FXN: variants seen among roughly 807,000 people sequenced by gnomAD.
FXN encodes frataxin, mitochondrial.
In FXN, 14 loss-of-function variants were observed where a neutral mutation model predicts 22.4. The observed-to-expected ratio is 0.62, with a 90% CI of 0.41 to 0.98. The LOEUF (loss-of-function observed/expected upper bound fraction) is 0.98, where lower values mean the gene tolerates loss of function less well. Ranked by LOEUF, FXN falls within the 50% of genes least tolerant of loss-of-function variation. The pLI is 0.00. For missense variants in FXN, 267 were observed against 268.4 expected (o/e 0.99, Z 0.04); for synonymous variants, 120 against 114.1 (o/e 1.05, Z -0.33).
rs113833390 is a variant in FXN at position 69,073,834 on chromosome 9, A to G, written c.*1072A>G. ...AAGAACAGTTTTTAAGCTATATAGG[A>G]AACATTGTTATTGGTGTTGCCCTAT... On this transcript the variant is annotated 3_prime_UTR_variant, in exon 5 of 5. Coordinates refer to ENST00000484259, the MANE Select transcript of FXN (RefSeq NM_000144.5). 6.0e-4 allele frequency: 591 copies of G among 985,342 alleles called. 3 individuals are homozygous for G. In the African/African-American group the frequency reaches 9.3e-3, roughly 15 times the overall value. 61.0% of individuals were successfully genotyped at this position (985,342 alleles called of 1,614,324 possible). A position where few individuals can be genotyped will look rare whatever the true frequency, so the allele number is the denominator to read the frequency against.
In FXN at chr9:69,076,341, G is replaced by A. The variant is rs1832369776; in HGVS notation, c.*3579G>A. 2.0e-6 allele frequency: 2 copies of A among 985,188 alleles called. No individual in the cohort carries two copies. Among genetic ancestry groups the A allele is most frequent in the East Asian group, 1.1e-4 (1 of 8,802 alleles). 61.0% of individuals were successfully genotyped at this position (985,188 alleles called of 1,614,324 possible). On this transcript the variant is annotated 3_prime_UTR_variant, in exon 5 of 5. Transcript: ENST00000484259. The stretch of plus-strand genomic sequence containing the variant: ...GACAACTGTTGTTCTCACATGCATA[G>A]CATAATTTCATATTCACATTGGAGG...
At chr9:69,036,588 G>A (rs949403388) in intron 1 of FXN, among the ~76,000 whole-genome samples, 8 of 152,208 alleles carry the variant, frequency 5.3e-5, no homozygotes, top group African/African-American at 1.9e-4. Flanking sequence ...TGACCTTGGG[G>A]GATTCCCCTA....
At chr9:69,059,404 T>TTTTC (rs1408743583) in intron 3 of FXN, among the ~76,000 whole-genome samples, 1 of 130,922 alleles carries the variant, frequency 7.6e-6, no homozygotes, top group Non-Finnish European at 1.6e-5. Flanking sequence ...TTTTTTTTTT[T>TTTTC]TTTTTTTTTT....
rs545289105 is a variant in FXN, at chr9:69,067,547, A to G, written c.482+2512A>G. 7.9e-5 allele frequency among the ~76,000 whole-genome samples: 12 copies of G among 152,336 alleles called. No homozygotes were observed. In the South Asian group the frequency reaches 2.3e-3, roughly 29 times the overall value. ...GCCTGCACCCGCCCAACTTGGCTAA[A>G]GAAGTCCCCATACTCTCTGTGGAAA... is the stretch of plus-strand genomic sequence containing the variant. On this transcript the variant is annotated intron_variant, in intron 4 of 4. Transcript: ENST00000484259.
At position 69,077,221 on chromosome 9, in the gene FXN, T is replaced by G. The variant is rs11145063; in HGVS notation, c.*4459T>G. 0.42 allele frequency: 411,096 copies of G among 983,454 alleles called. 87,115 individuals carry two copies. Among genetic ancestry groups the G allele is most frequent in the East Asian group, 0.57 (4,971 of 8,786 alleles). The allele number at this position is 983,454 out of a possible 1,614,324, so 60.9% of individuals were successfully genotyped here. On this transcript the variant is annotated 3_prime_UTR_variant, in exon 5 of 5. Coordinates refer to ENST00000484259, the MANE Select transcript of FXN (RefSeq NM_000144.5). The stretch of plus-strand genomic sequence containing the variant: ...GCCACTGCACCCAGCCAGAAATGCC[T>G]TCTAATCTTTGGTTTATCTTAATTA...
At position 69,072,858 on chromosome 9, in the gene FXN, A is replaced by AT. The variant is rs1040904352; in HGVS notation, c.*104dup. 3.3e-4 allele frequency: 507 copies of AT among 1,559,424 alleles called. 1 individual carries two copies. Among genetic ancestry groups the AT allele is most frequent in the Non-Finnish European group, 4.0e-4 (468 of 1,156,116 alleles). On this transcript the variant is annotated 3_prime_UTR_variant, in exon 5 of 5. Coordinates refer to ENST00000484259, the MANE Select transcript of FXN (RefSeq NM_000144.5). ...CTGTTTTTTGTTGTTGTTGTTGTTT[A>AT]TTTTTTTTATTCCTGCTTTTGAGGA...
At chr9:69,045,822 G>C (rs750851970) in intron 1 of FXN, among the ~76,000 whole-genome samples, 2 of 151,706 alleles carry the variant, frequency 1.3e-5, no homozygotes, top group Non-Finnish European at 2.9e-5. Context: ...TATAAGGTAA[G>C]GGGGGAAGTG....
In FXN at chr9:69,075,172, A is replaced by G; in HGVS notation, c.*2410A>G. On this transcript the variant is annotated 3_prime_UTR_variant, in exon 5 of 5. Coordinates refer to ENST00000484259, the MANE Select transcript of FXN (RefSeq NM_000144.5). ...GGGAGATCCCCATTTAAGGAAAGAA[A>G]AGGGGCCTGGCACAGTGGCTCATGC... 1.0e-6 allele frequency: 1 copy of G among 985,510 alleles called. No homozygotes were observed. The highest frequency in any genetic ancestry group is 1.2e-6 in the Non-Finnish European group (1 of 829,990). 61.0% of individuals were successfully genotyped at this position (985,510 alleles called of 1,614,324 possible).
chr9:69,045,442 A>G (rs994307989), intron 1 of FXN, among the ~76,000 whole-genome samples: 6 of 152,164 alleles, frequency 3.9e-5, no homozygotes, highest in Admixed American at 6.5e-5. Flanking sequence ...CTAAAAATAC[A>G]AAAAATCGGG....
At chr9:69,061,017 G>A (rs146406091) in intron 3 of FXN, among the ~76,000 whole-genome samples, 14 of 152,282 alleles carry the variant, frequency 9.2e-5, no homozygotes, top group African/African-American at 3.1e-4. Context: ...AGGTGAGTGG[G>A]TCTCATGTGG....
At position 69,078,791 on chromosome 9, in the gene FXN, C is replaced by T; in HGVS notation, c.*6029C>T. ...TCTACCCTGAAAAATGTTCTTGGCA[C>T]AGCCTTGCAAACTCCTCCTCCACTC... On this transcript the variant is annotated 3_prime_UTR_variant, in exon 5 of 5. Coordinates refer to ENST00000484259, the MANE Select transcript of FXN (RefSeq NM_000144.5). The T allele has an allele frequency of 2.0e-6, 2 of 985,648 alleles. No homozygotes were observed. Among genetic ancestry groups the T allele is most frequent in the Non-Finnish European group, 1.2e-6 (1 of 830,066 alleles). The allele number at this position is 985,648 out of a possible 1,614,324, so 61.1% of individuals were successfully genotyped here. A position where few individuals can be genotyped will look rare whatever the true frequency, so the allele number is the denominator to read the frequency against.
At chr9:69,041,752 C>G (rs748954797) in intron 1 of FXN, among the ~76,000 whole-genome samples, 1 of 152,200 alleles carries the variant, frequency 6.6e-6, no homozygotes, top group Non-Finnish European at 1.5e-5. Context: ...CAAGTGGTTC[C>G]TGACCACTGG....
chr9:69,077,834 G>A lies in FXN; in HGVS notation c.*5072G>A. 1.5e-6 allele frequency: 1 copy of A among 654,846 alleles called. No homozygotes were observed. Among genetic ancestry groups the A allele is most frequent in the Non-Finnish European group, 1.9e-6 (1 of 528,838 alleles). The allele number at this position is 654,846 out of a possible 1,614,324, so 40.6% of individuals were successfully genotyped here. A position where few individuals can be genotyped will look rare whatever the true frequency, so the allele number is the denominator to read the frequency against. ...TATCCCAGCTACTCGGGAGGCTGAGGCAGGAGAATTGCTTGAACCTGGGTG... is the reference window on the plus strand; with the variant it reads ...TATCCCAGCTACTCGGGAGGCTGAGACAGGAGAATTGCTTGAACCTGGGTG... On this transcript the variant is annotated 3_prime_UTR_variant, in exon 5 of 5. Transcript: ENST00000484259.
rs574601589 is a variant in FXN, at chr9:69,064,891, T to C, written c.385-47T>C. ...AGCAATGATGACAAAGTGCTAACTT[T>C]TTCTTGTTTTAATTTCTTTATGCTT... On this transcript the variant is annotated intron_variant, in intron 3 of 4. Coordinates refer to ENST00000484259, the MANE Select transcript of FXN (RefSeq NM_000144.5). The C allele has an allele frequency of 3.0e-4, 364 of 1,219,432 alleles. 4 individuals carry two copies. In the South Asian group the frequency reaches 4.2e-3, roughly 14 times the overall value. 75.5% of individuals were successfully genotyped at this position (1,219,432 alleles called of 1,614,324 possible). A position where few individuals can be genotyped will look rare whatever the true frequency, so the allele number is the denominator to read the frequency against.
At position 69,067,008 on chromosome 9, in the gene FXN, G is replaced by A. The variant is rs372578434; in HGVS notation, c.482+1973G>A. 1.4e-3 allele frequency among the ~76,000 whole-genome samples: 214 copies of A among 152,298 alleles called. 3 individuals carry two copies. The South Asian group carries it at 0.033, about 24-fold the overall frequency. ...CCCCTCCCCTTCCTGCGCCGTTTCC[G>A]GCAGATCCAGAGTGGCCACCGCCGG... On this transcript the variant is annotated intron_variant, in intron 4 of 4. Coordinates refer to ENST00000484259, the MANE Select transcript of FXN (RefSeq NM_000144.5).
chr9:69,059,153 G>A (rs1322840607), intron 3 of FXN, among the ~76,000 whole-genome samples: 1 of 152,154 alleles, frequency 6.6e-6, no homozygotes, highest in African/African-American at 2.4e-5. Context: ...CTTAAACTTG[G>A]TTTGAACAGT....
At chr9:69,047,649 A>G (rs1831782847) in intron 2 of FXN, among the ~76,000 whole-genome samples, 1 of 152,170 alleles carries the variant, frequency 6.6e-6, no homozygotes, top group Non-Finnish European at 1.5e-5. Context: ...TGCTAATAAC[A>G]GTTTGGGGTT....
intron 3 of FXN, among the ~76,000 whole-genome samples, chr9:69,060,143 C>A (rs895580865): frequency 6.6e-6 from 1 of 151,944 alleles, no homozygotes; most frequent in Non-Finnish European, 1.5e-5. Flanking sequence ...CCAAGGCGGG[C>A]GGATCACGAG....
intron 3 of FXN, 132 bp from the exon 4 acceptor site, chr9:69,064,806 A>G (rs1306788236): frequency 1.5e-5 from 10 of 689,012 alleles, no homozygotes; most frequent in African/African-American, 3.6e-5. Flanking sequence ...ACTAAAAGAC[A>G]TTTCTTTATG....
Sources: allele counts gnomAD v4.1 joint callset (sites outside exome capture counted in the v4.1 genomes callset), GRCh38; gene constraint gnomAD v4.1.1; transcripts MANE v1.5; gene names NCBI Gene and HGNC (gene_info 2026-07-23, HGNC 2026-07-21).